Variants in LDB2 observed in about 807,000 individuals in gnomAD.
LDB2 encodes LIM domain-binding protein 2.
Under a neutral mutation model 44.3 loss-of-function variants are expected in LDB2, and 12 were observed. The ratio of observed to expected loss-of-function variants is 0.27; its 90% confidence interval spans 0.17 to 0.44. LDB2 has a LOEUF of 0.44. Among genes scored for constraint, LDB2 ranks in the 20% least tolerant of loss-of-function variants. The pLI, the probability that LDB2 is intolerant of heterozygous loss-of-function variation, is 1.00. For missense variants in LDB2, 344 were observed against 473.5 expected, an observed-to-expected ratio of 0.73 and a Z score of 2.54; for synonymous variants, 164 against 174.8, an observed-to-expected ratio of 0.94 and a Z score of 0.49.
chr4:16,872,630 C>A (rs1201147112), intron 1 of LDB2, among the ~76,000 whole-genome samples: 1 of 152,142 alleles, frequency 6.6e-6, no homozygotes, highest in Non-Finnish European at 1.5e-5. Context: ...GAGCAATAGA[C>A]CTTCTCAGAT....
intron 5 of LDB2, among the ~76,000 whole-genome samples, chr4:16,541,849 T>G (rs1009094242): frequency 2.6e-5 from 4 of 152,180 alleles, no homozygotes; most frequent in African/African-American, 9.7e-5. Context: ...AGTTGAGAAT[T>G]GCTGCTCTGG....
intron 1 of LDB2, among the ~76,000 whole-genome samples, chr4:16,834,419 G>A (rs1030757202): frequency 1.3e-5 from 2 of 152,194 alleles, no homozygotes; most frequent in Non-Finnish European, 2.9e-5. Context: ...AGTGAAAGTA[G>A]AATAGGGGTT....
intron 1 of LDB2, among the ~76,000 whole-genome samples, chr4:16,865,083 T>G (rs1374148579): frequency 4.0e-5 from 6 of 151,636 alleles, no homozygotes; most frequent in African/African-American, 1.5e-4. Flanking sequence ...AAACCCCGTC[T>G]CGTCTAAAAA....
intron 1 of LDB2, among the ~76,000 whole-genome samples, chr4:16,825,097 A>G (rs1036004266): frequency 3.9e-5 from 6 of 152,314 alleles, no homozygotes; most frequent in Admixed American, 3.3e-4. Context: ...GGGTGGCTGG[A>G]AAGAGAGACC....
intron 1 of LDB2, among the ~76,000 whole-genome samples, chr4:16,781,446 G>A (rs573990684): frequency 6.6e-6 from 1 of 152,122 alleles, no homozygotes; most frequent in Non-Finnish European, 1.5e-5. Context: ...CTCAGCTGAG[G>A]GAGTCTGGAG....
rs1577439816 is a variant in LDB2 at position 16,533,640 on chromosome 4, A to C, written c.616-21536T>G. On this transcript the variant is annotated intron_variant, in intron 5 of 7. Coordinates refer to ENST00000304523, the MANE Select transcript of LDB2 (RefSeq NM_001290.5). The surrounding 1 kb of genome is among the most constrained non-coding windows in gnomAD (Gnocchi z 4.1). ...TGTGACAGAGAAGGGCAGCTCCTTC[A>C]CCATATCCCTAACGTTACCAGACAC... 6.6e-6 allele frequency among the ~76,000 whole-genome samples: 1 copy of C among 152,290 alleles called. No homozygotes were observed. The highest frequency in any genetic ancestry group is 2.1e-4 in the South Asian group (1 of 4,822).
intron 2 of LDB2, among the ~76,000 whole-genome samples, chr4:16,609,866 G>A (rs1167151834): frequency 6.6e-6 from 1 of 152,102 alleles, no homozygotes; most frequent in African/African-American, 2.4e-5. Flanking sequence ...AAAGCACTTC[G>A]TTAAATGGGT....
chr4:16,738,396 G>T (rs746607835), intron 2 of LDB2, among the ~76,000 whole-genome samples: 1 of 152,198 alleles, frequency 6.6e-6, no homozygotes, highest in South Asian at 2.1e-4. Flanking sequence ...GGAAGAGGAG[G>T]AGGAGGAAGG....
At chr4:16,551,501 T>C (rs1024176578) in intron 5 of LDB2, among the ~76,000 whole-genome samples, 4 of 151,926 alleles carry the variant, frequency 2.6e-5, no homozygotes, top group African/African-American at 9.7e-5. Context: ...AACTATCTAT[T>C]TATTTTTATT....
chr4:16,822,943 T>G (rs1000194855), intron 1 of LDB2, among the ~76,000 whole-genome samples: 3 of 152,194 alleles, frequency 2.0e-5, no homozygotes, highest in African/African-American at 7.2e-5. Context: ...TGTTGGTGTT[T>G]TCCTCAAGTT....
At chr4:16,662,757 C>G (rs560610858) in intron 2 of LDB2, among the ~76,000 whole-genome samples, 4 of 151,938 alleles carry the variant, frequency 2.6e-5, no homozygotes, top group African/African-American at 9.7e-5. Flanking sequence ...TAAGACGCGT[C>G]TTTGTTCCTC....
At chr4:16,752,346 T>C in intron 2 of LDB2, 1 of 416,094 alleles carries the variant, frequency 2.4e-6, no homozygotes, top group African/African-American at 2.1e-5. Context: ...GATGAAAATC[T>C]CACCCTCTGT....
At chr4:16,799,604 C>A (rs1057472671) in intron 1 of LDB2, among the ~76,000 whole-genome samples, 1 of 152,180 alleles carries the variant, frequency 6.6e-6, no homozygotes, top group African/African-American at 2.4e-5. Context: ...TGATTTCTCC[C>A]CTCACATGTA....
chr4:16,761,034 A>C (rs1767805847), intron 1 of LDB2, among the ~76,000 whole-genome samples: 1 of 151,982 alleles, frequency 6.6e-6, no homozygotes, highest in South Asian at 2.1e-4. Flanking sequence ...TTCAATACAA[A>C]TATAAGCTTC....
intron 1 of LDB2, among the ~76,000 whole-genome samples, chr4:16,767,862 C>T (rs574889492): frequency 6.6e-6 from 1 of 152,174 alleles, no homozygotes; most frequent in Non-Finnish European, 1.5e-5. Flanking sequence ...GCAGCCTAAT[C>T]ATATATCAGG....
chr4:16,786,875 T>C (rs1471499333), intron 1 of LDB2, among the ~76,000 whole-genome samples: 3 of 152,140 alleles, frequency 2.0e-5, no homozygotes, highest in Non-Finnish European at 4.4e-5. Context: ...CACACTCTAT[T>C]CCCGAATCTT....
At chr4:16,674,183 T>C (rs1745649708) in intron 2 of LDB2, 1 of 1,191,028 alleles carries the variant, frequency 8.4e-7, no homozygotes, top group Non-Finnish European at 1.1e-6. Context: ...AAATTAGAAA[T>C]AGATTAAATG....
At chr4:16,814,883 C>A (rs1310677926) in intron 1 of LDB2, among the ~76,000 whole-genome samples, 1 of 152,154 alleles carries the variant, frequency 6.6e-6, no homozygotes, top group African/African-American at 2.4e-5. Context: ...AGATTTGCAA[C>A]CTTTCTTTTT....
intron 2 of LDB2, among the ~76,000 whole-genome samples, chr4:16,609,032 A>G (rs1363049074): frequency 6.6e-6 from 1 of 152,156 alleles, no homozygotes; most frequent in Non-Finnish European, 1.5e-5. Flanking sequence ...TGAATCCTTC[A>G]CTAGCAATCA....
Sources: gnomAD v4.1 joint callset for allele counts (sites outside exome capture counted in the v4.1 genomes callset) on GRCh38, gnomAD v4.1.1 for gene constraint, Gnocchi (gnomAD v3.1) non-coding constraint, MANE v1.5 for transcripts, NCBI Gene and HGNC (gene_info 2026-07-23, HGNC 2026-07-21) for gene names.